ZNF285: variants seen among roughly 807,000 people sequenced by gnomAD.
The protein encoded by ZNF285 is zinc finger protein 285A.
Under a neutral mutation model 6.2 loss-of-function variants are expected in ZNF285, and 4 were observed. The ratio of observed to expected loss-of-function variants is 0.65; its 90% confidence interval spans 0.32 to 1.49. ZNF285 has a LOEUF of 1.49. Among genes scored for constraint, ZNF285 ranks in the 40% most tolerant of loss-of-function variants. The probability of loss-of-function intolerance (pLI) is 0.07; values close to 1 mark genes in which losing one functional copy is unlikely to be tolerated. For synonymous variants in ZNF285, 240 were observed against 245.8 expected, an observed-to-expected ratio of 0.98 and a Z score of 0.22; for missense variants, 695 against 708.8, an observed-to-expected ratio of 0.98 and a Z score of 0.22.
intron 3 of ZNF285, 42 bp downstream of exon 3, chr19:44,392,298 T>A (rs1356240690): frequency 6.2e-7 from 1 of 1,612,456 alleles, no homozygotes; most frequent in Non-Finnish European, 8.5e-7. Context: ...GAAATGATGA[T>A]TTGAGGAAAC....
At position 44,386,824 on chromosome 19, in the gene ZNF285, T is replaced by C. The variant is rs953963118; in HGVS notation, c.1421A>G (p.His474Arg). 6 of 1,614,148 alleles carry C rather than the reference T, an allele frequency of 3.7e-6. No homozygotes were observed. Among genetic ancestry groups the C allele is most frequent in the Non-Finnish European group, 4.2e-6 (5 of 1,180,050 alleles). ...TTTTTCTCCAGTGTGAACTCTCTGA[T>C]GAGTGTGAAGAACAGAGCTATACGC... is the stretch of plus-strand genomic sequence containing the variant. ...DFAYSSVLHT[H>R]QRVHTGEKPY... The change falls in exon 4 of 4, where the codon CAT becomes CGT. Residue 474 changes from histidine to arginine, a missense_variant. His to Arg is a conservative substitution (Grantham distance 29). Coordinates refer to ENST00000614994, the MANE Select transcript of ZNF285 (RefSeq NM_152354.6).
rs1025387760 is a variant in ZNF285 at position 44,385,025 on chromosome 19, CAA to C, written c.*1445_*1446del. 4.3e-5 allele frequency: 5 copies of C among 115,812 alleles called. No individual in the cohort carries two copies. The highest frequency in any genetic ancestry group is 1.8e-4 in the African/African-American group (5 of 27,420). The allele number at this position is 115,812 out of a possible 1,614,324, so 7.2% of individuals were successfully genotyped here. A position where few individuals can be genotyped will look rare whatever the true frequency, so the allele number is the denominator to read the frequency against. On this transcript the variant is annotated 3_prime_UTR_variant, in exon 4 of 4. Coordinates refer to ENST00000614994, the MANE Select transcript of ZNF285 (RefSeq NM_152354.6). ...CAAAAAAAAAAAAAAAAAAAAAAAG[CAA>C]AGAGATCTCCTCTCGAATTCATCTA...
intron 1 of ZNF285, among the ~76,000 whole-genome samples, chr19:44,399,085 C>T (rs1910076117): frequency 6.6e-6 from 1 of 151,832 alleles, no homozygotes; most frequent in Admixed American, 6.6e-5. Flanking sequence ...CTCAAATTAT[C>T]TGGTCACAGA....
chr19:44,386,115 A>C lies in ZNF285; in HGVS notation c.*357T>G, dbSNP rs1286379029. 5.2e-6 allele frequency: 1 copy of C among 191,542 alleles called. No individual in the cohort carries two copies. Among genetic ancestry groups the C allele is most frequent in the Non-Finnish European group, 1.1e-5 (1 of 90,884 alleles). The allele number at this position is 191,542 out of a possible 1,614,324, so 11.9% of individuals were successfully genotyped here. On this transcript the variant is annotated 3_prime_UTR_variant, in exon 4 of 4. Transcript: ENST00000614994. ...ATTTTTCTACTGGGGACTAAAAAAA[A>C]ATCTAAAGACGTTGGCTGAACTGAA...
At chr19:44,397,340 C>A (rs533389272) in intron 1 of ZNF285, 84 bp from the exon 2 acceptor site, 1 of 1,492,386 alleles carries the variant, frequency 6.7e-7, no homozygotes, top group South Asian at 1.1e-5. Context: ...GTACAAGTTT[C>A]TCACAATTTC....
At chr19:44,398,248 A>G (rs1288553271) in intron 1 of ZNF285, among the ~76,000 whole-genome samples, 1 of 152,128 alleles carries the variant, frequency 6.6e-6, no homozygotes, top group Non-Finnish European at 1.5e-5. Flanking sequence ...CTGCAGGTAG[A>G]CCAAAGTAGG....
chr19:44,399,845 C>A (rs540778287), intron 1 of ZNF285, among the ~76,000 whole-genome samples: 27 of 152,186 alleles, frequency 1.8e-4, no homozygotes, highest in Non-Finnish European at 2.6e-4. Flanking sequence ...AGGGAGGTGC[C>A]ATTATAATAC....
intron 3 of ZNF285, among the ~76,000 whole-genome samples, chr19:44,389,608 C>T (rs2123269190): frequency 6.6e-6 from 1 of 152,180 alleles, no homozygotes; most frequent in Non-Finnish European, 1.5e-5. Context: ...GTTTTCTGTT[C>T]TATTAATCTA....
At chr19:44,398,889 G>A (rs1157335567) in intron 1 of ZNF285, among the ~76,000 whole-genome samples, 1 of 152,080 alleles carries the variant, frequency 6.6e-6, no homozygotes. Context: ...CACTATCTGT[G>A]ATAAAGGACT....
At chr19:44,397,309 A>G in intron 1 of ZNF285, 53 bp from the exon 2 acceptor site, 1 of 1,595,490 alleles carries the variant, frequency 6.3e-7, no homozygotes, top group Non-Finnish European at 8.6e-7. Context: ...TTGTGAATGA[A>G]CATTGGTTCC....
At chr19:44,396,993 A>T in intron 2 of ZNF285, 1 of 660,670 alleles carries the variant, frequency 1.5e-6, no homozygotes, top group Non-Finnish European at 2.6e-6. Flanking sequence ...GAGTAGCACC[A>T]AAGTAGACAT....
chr19:44,387,048 G>C lies in ZNF285; in HGVS notation c.1197C>G (p.Pro399=), dbSNP rs757638790. 3.1e-6 allele frequency: 5 copies of C among 1,614,032 alleles called. No individual in the cohort carries two copies. The Admixed American group carries it at 5.0e-5, about 16-fold the overall frequency. The change falls in exon 4 of 4, where the codon CCC becomes CCG. Residue 399 remains proline, a synonymous_variant. Coordinates refer to ENST00000614994, the MANE Select transcript of ZNF285 (RefSeq NM_152354.6). ...VHQRVHTGEK[P]YKCSECGKCF... is the part of the protein sequence containing the mutation. ...ACTTGCCACACTCACTGCATTTGTAGGGCTTCTCTCCAGTGTGGACTCTCT... is the reference window on the plus strand; with the variant it reads ...ACTTGCCACACTCACTGCATTTGTACGGCTTCTCTCCAGTGTGGACTCTCT...
In ZNF285 at chr19:44,388,005, C is replaced by G; in HGVS notation, c.240G>C (p.Arg80Ser). 6.2e-7 allele frequency: 1 copy of G among 1,614,146 alleles called. No individual in the cohort carries two copies. The highest frequency in any genetic ancestry group is 8.5e-7 in the Non-Finnish European group (1 of 1,180,012). Residue 80 changes from arginine to serine, a missense_variant, in exon 4 of 4, where the codon AGG (arginine) becomes AGC (serine). By Grantham distance (110) the Arg-to-Ser change is moderately radical. Transcript: ENST00000614994. ...CCTGACTCACAGTTAAATCCCGGAT[C>G]CTTTGTTTCCAAATCTGCCAGCAAT... Reference protein sequence around the residue: ...VLHCWQIWKQRIRDLTVSQDY... With the variant: ...VLHCWQIWKQSIRDLTVSQDY...
At position 44,387,685 on chromosome 19, in the gene ZNF285, C is replaced by T. The variant is rs143238843; in HGVS notation, c.560G>A (p.Trp187Ter). The change falls in exon 4 of 4, where the codon TGG becomes TAG. Residue 187 changes from tryptophan (W) to a stop codon, truncating the protein, a stop_gained. Coordinates refer to ENST00000614994, the MANE Select transcript of ZNF285 (RefSeq NM_152354.6). LOFTEE classifies it low-confidence loss of function (END_TRUNC). ...RRAQHDDSLS[W>*]TSCDHHESQE... is the part of the protein sequence containing the mutation. ...GGACTCATGATGATCACATGAGGTCCAACTGAGGCTGTCATCATGCTGAGC... is the reference window on the plus strand; with the variant it reads ...GGACTCATGATGATCACATGAGGTCTAACTGAGGCTGTCATCATGCTGAGC... 1.9e-6 allele frequency: 3 copies of T among 1,613,796 alleles called. No individual in the cohort carries two copies. The highest frequency in any genetic ancestry group is 2.5e-6 in the Non-Finnish European group (3 of 1,179,834).
In ZNF285 at chr19:44,386,795, A is replaced by G. The variant is rs774737018; in HGVS notation, c.1450T>C (p.Tyr484His). 8.4e-5 allele frequency: 136 copies of G among 1,614,238 alleles called. 1 individual carries two copies. In the South Asian group the frequency reaches 1.4e-3, roughly 17 times the overall value. Residue 484 changes from tyrosine to histidine, a missense_variant, in exon 4 of 4, where the codon TAT (tyrosine) becomes CAT (histidine). Coordinates refer to ENST00000614994, the MANE Select transcript of ZNF285 (RefSeq NM_152354.6). The stretch of plus-strand genomic sequence containing the variant: ...CACTTTCCACACACTTCACATTTAT[A>G]TGGTTTTTCTCCAGTGTGAACTCTC... Reference protein sequence around the residue: ...HQRVHTGEKPYKCEVCGKCFS... With the variant: ...HQRVHTGEKPHKCEVCGKCFS...
At position 44,395,966 on chromosome 19, in the gene ZNF285, T is replaced by C. The variant is rs78957404; in HGVS notation, c.15+1233A>G. Among the ~76,000 whole-genome samples the C allele has an allele frequency of 7.9e-5, 12 of 152,226 alleles. 1 individual carries two copies. In the South Asian group the frequency reaches 1.5e-3, roughly 18 times the overall value. ...CATTGAGGACACTGTTACAGGAGGCTGGAAAAATGGTGACCTGGGTGATGC... is the reference window on the plus strand; with the variant it reads ...CATTGAGGACACTGTTACAGGAGGCCGGAAAAATGGTGACCTGGGTGATGC... On this transcript the variant is annotated intron_variant, in intron 2 of 3. Transcript: ENST00000614994.
rs1219715743 is a variant in ZNF285 at position 44,385,156 on chromosome 19, T to C, written c.*1316A>G. The C allele has an allele frequency of 1.2e-4, 19 of 152,218 alleles. No homozygotes were observed. The highest frequency in any genetic ancestry group is 2.1e-4 in the South Asian group (1 of 4,830). The allele number at this position is 152,218 out of a possible 1,614,324, so 9.4% of individuals were successfully genotyped here. ...TGCTGAGAAGAAGACTGCATCAGTCTGCAATGAACACTGTTGGTTTTTTAC... is the reference window on the plus strand; with the variant it reads ...TGCTGAGAAGAAGACTGCATCAGTCCGCAATGAACACTGTTGGTTTTTTAC... On this transcript the variant is annotated 3_prime_UTR_variant, in exon 4 of 4. Transcript: ENST00000614994.
intron 2 of ZNF285, among the ~76,000 whole-genome samples, chr19:44,395,048 A>G (rs541107932): frequency 6.6e-6 from 1 of 152,282 alleles, no homozygotes; most frequent in Non-Finnish European, 1.5e-5. Flanking sequence ...AGAGCCTGGG[A>G]AAACAAAACA....
At chr19:44,396,875 G>T in intron 2 of ZNF285, 1 of 329,196 alleles carries the variant, frequency 3.0e-6, no homozygotes. Context: ...CGGATGCTGC[G>T]GCAACACCAA....
Sources: allele counts gnomAD v4.1 joint callset (sites outside exome capture counted in the v4.1 genomes callset), GRCh38; gene constraint gnomAD v4.1.1; transcripts MANE v1.5; gene names NCBI Gene and HGNC (gene_info 2026-07-23, HGNC 2026-07-21).